Variants in CHTF8 observed in about 807,000 individuals in gnomAD.
The protein encoded by CHTF8 is chromosome transmission fidelity factor 8.
CHTF8 carries 6 observed loss-of-function variants against 11.0 expected under a neutral mutation model. That is an observed-to-expected ratio of 0.55 (90% CI 0.30 to 1.08). The LOEUF is 1.08. Ranked by LOEUF, CHTF8 falls within the 50% of genes least tolerant of loss-of-function variation. The pLI is 0.07. For missense variants in CHTF8, 140 were observed against 153.1 expected (o/e 0.91, Z 0.45); for synonymous variants, 53 against 60.5 (o/e 0.88, Z 0.57).
rs1178140245 is a variant in CHTF8, at chr16:69,120,026, C to G, written c.*399G>C. On this transcript the variant is annotated 3_prime_UTR_variant, in exon 4 of 4. Coordinates refer to ENST00000448552, the MANE Select transcript of CHTF8 (RefSeq NM_001039690.5). The surrounding 1 kb of genome is among the most constrained non-coding windows in gnomAD (Gnocchi z 4.0). ...GACAGAGGCCCTGGGCCTGGCAGAGCCCCTGTCCTAGGGTTTAGGGTGGGG... is the reference window on the plus strand; with the variant it reads ...GACAGAGGCCCTGGGCCTGGCAGAGGCCCTGTCCTAGGGTTTAGGGTGGGG... 1 of 690,064 alleles carries G rather than the reference C, an allele frequency of 1.4e-6. No homozygotes were observed. Among genetic ancestry groups the G allele is most frequent in the Admixed American group, 2.1e-5 (1 of 47,842 alleles). 42.7% of individuals were successfully genotyped at this position (690,064 alleles called of 1,614,324 possible).
rs761089528 is a variant in CHTF8 at position 69,118,381 on chromosome 16, G to A, written c.*2044C>T. Reference sequence around the variant, plus strand: ...CCCCAGGGAAAGGTATGGCAGTAGAGGATGACCAGGTCCAAGCTGCCCAGG... The same window carrying A: ...CCCCAGGGAAAGGTATGGCAGTAGAAGATGACCAGGTCCAAGCTGCCCAGG... On this transcript the variant is annotated 3_prime_UTR_variant, in exon 4 of 4. Transcript: ENST00000448552. 2.5e-6 allele frequency: 4 copies of A among 1,611,950 alleles called. No homozygotes were observed. Among genetic ancestry groups the A allele is most frequent in the Non-Finnish European group, 3.4e-6 (4 of 1,178,022 alleles).
Position 69,118,310 on chromosome 16 carries a change from G to GTCTT in CHTF8, c.*2111_*2114dup, listed in dbSNP as rs1417149006. The GTCTT allele has an allele frequency of 2.5e-6, 3 of 1,205,170 alleles. No homozygotes were observed. The highest frequency in any genetic ancestry group is 2.4e-5 in the South Asian group (2 of 82,674). The allele number at this position is 1,205,170 out of a possible 1,614,324, so 74.7% of individuals were successfully genotyped here. A position where few individuals can be genotyped will look rare whatever the true frequency, so the allele number is the denominator to read the frequency against. On this transcript the variant is annotated 3_prime_UTR_variant, in exon 4 of 4. Transcript: ENST00000448552. ...GTCAAGCAGAAACTGCATTCGGTGG[G>GTCTT]TCTTTCTTTGAAGTGGTTGTCCATC...
intron 1 of CHTF8, 140 bp from the exon 2 acceptor site, chr16:69,121,633 A>C: frequency 3.8e-6 from 2 of 521,518 alleles, no homozygotes; most frequent in African/African-American, 2.0e-5. Flanking sequence ...ACCCACCACT[A>C]TGGCCAGCTA....
chr16:69,126,289 G>A (rs949394305), intron 1 of CHTF8, among the ~76,000 whole-genome samples: 3 of 152,144 alleles, frequency 2.0e-5, no homozygotes, highest in Non-Finnish European at 2.9e-5. Context: ...GAAAAATGCC[G>A]AAATATTTTC....
Position 69,128,740 on chromosome 16 carries a change from TTCTC to T in CHTF8, c.-36+3740_-36+3743del, listed in dbSNP as rs146333544. On this transcript the variant is annotated intron_variant, in intron 1 of 3. Transcript: ENST00000448552. Reference sequence around the variant, plus strand: ...ATACCTTATTTAACCAGCATTTGGCTTCTCTCTCTCTTTTGAAATTAGTAACTAT... The same window carrying T: ...ATACCTTATTTAACCAGCATTTGGCTTCTCTCTTTTGAAATTAGTAACTAT... 2.2e-3 allele frequency among the ~76,000 whole-genome samples: 330 copies of T among 152,234 alleles called. 1 individual carries two copies. The highest frequency in any genetic ancestry group is 7.4e-3 in the African/African-American group (308 of 41,534).
Position 69,118,663 on chromosome 16 carries a change from A to G in CHTF8, c.*1762T>C, listed in dbSNP as rs1361572186. 1.5e-6 allele frequency: 1 copy of G among 687,526 alleles called. No homozygotes were observed. The highest frequency in any genetic ancestry group is 2.7e-6 in the Non-Finnish European group (1 of 377,186). 42.6% of individuals were successfully genotyped at this position (687,526 alleles called of 1,614,324 possible). A position where few individuals can be genotyped will look rare whatever the true frequency, so the allele number is the denominator to read the frequency against. ...GGGCAGGATTATTCCCACCTGCCAC[A>G]GTTCACATGCCACAAATAACATCTC... is the stretch of plus-strand genomic sequence containing the variant. On this transcript the variant is annotated 3_prime_UTR_variant, in exon 4 of 4. Coordinates refer to ENST00000448552, the MANE Select transcript of CHTF8 (RefSeq NM_001039690.5).
rs772772385 is a variant in CHTF8 at position 69,122,426 on chromosome 16, G to A, written c.-35-933C>T. On this transcript the variant is annotated intron_variant, in intron 1 of 3. Coordinates refer to ENST00000448552, the MANE Select transcript of CHTF8 (RefSeq NM_001039690.5). ...TTCACTTTGTCACCAAATCTGGAGCGCAGTGGCGCCATCTCGGCTCACTGC... is the reference window on the plus strand; with the variant it reads ...TTCACTTTGTCACCAAATCTGGAGCACAGTGGCGCCATCTCGGCTCACTGC... 1.0e-3 allele frequency among the ~76,000 whole-genome samples: 152 copies of A among 150,374 alleles called. 1 individual carries two copies. The highest frequency in any genetic ancestry group is 3.5e-3 in the African/African-American group (144 of 40,802).
rs768647432 is a variant in CHTF8 at position 69,121,118 on chromosome 16, T to C, written c.76A>G (p.Ile26Val). 6.2e-6 allele frequency: 10 copies of C among 1,613,706 alleles called. No individual in the cohort carries two copies. The highest frequency in any genetic ancestry group is 8.5e-6 in the Non-Finnish European group (10 of 1,180,002). Reference sequence around the variant, plus strand: ...AATCCAGTGCTGTAGCGAGCCTCGATCTCCCCCTGTAGCTCCATCAGCACC... The same window carrying C: ...AATCCAGTGCTGTAGCGAGCCTCGACCTCCCCCTGTAGCTCCATCAGCACC... ...EWVLMELQGE[I>V]EARYSTGLAG... Residue 26 changes from isoleucine to valine, a missense_variant, in exon 3 of 4, where the codon ATC becomes GTC. Ile to Val is a conservative substitution (Grantham distance 29, BLOSUM62 3). Coordinates refer to ENST00000448552, the MANE Select transcript of CHTF8 (RefSeq NM_001039690.5).
intron 1 of CHTF8, among the ~76,000 whole-genome samples, chr16:69,125,901 A>G (rs1962026830): frequency 6.6e-6 from 1 of 152,236 alleles, no homozygotes; most frequent in Non-Finnish European, 1.5e-5. Context: ...AAGACCAAAT[A>G]TAACATCTGC....
At position 69,123,925 on chromosome 16, in the gene CHTF8, TAAAAAAAAA is replaced by T. The variant is rs757493986; in HGVS notation, c.-35-2441_-35-2433del. ...CAACATGATGAAACCCCATCTCTACTAAAAAAAAAAAAAAAAAAAAAACAAAAAATTAGC... is the reference window on the plus strand; with the variant it reads ...CAACATGATGAAACCCCATCTCTACTAAAAAAAAAAAAACAAAAAATTAGC... On this transcript the variant is annotated intron_variant, in intron 1 of 3. Transcript: ENST00000448552. Among the ~76,000 whole-genome samples, 25 of 76,976 alleles carry T rather than the reference TAAAAAAAAA, an allele frequency of 3.2e-4. No homozygotes were observed. The South Asian group carries it at 0.011, about 34-fold the overall frequency. The allele number at this position is 76,976 out of a possible 152,430, so 50.5% of individuals were successfully genotyped here.
At chr16:69,128,938 C>T (rs1364774975) in intron 1 of CHTF8, among the ~76,000 whole-genome samples, 3 of 152,214 alleles carry the variant, frequency 2.0e-5, no homozygotes, top group African/African-American at 7.2e-5. Flanking sequence ...GTGGCGCTCA[C>T]CTGTAATCCC....
At chr16:69,122,802 A>G (rs1217139130) in intron 1 of CHTF8, among the ~76,000 whole-genome samples, 1 of 152,036 alleles carries the variant, frequency 6.6e-6, no homozygotes, top group African/African-American at 2.4e-5. Context: ...TTGGCCTCCC[A>G]AAGTGCTGGG....
intron 1 of CHTF8, among the ~76,000 whole-genome samples, chr16:69,121,826 G>C (rs149421780): frequency 0.013 from 1,910 of 152,094 alleles, 39 homozygotes; most frequent in African/African-American, 0.043. Context: ...CGCCACCACG[G>C]CCGGCTAATT....
In CHTF8 at chr16:69,118,749, A is replaced by G. The variant is rs1380796331; in HGVS notation, c.*1676T>C. 17 of 639,440 alleles carry G rather than the reference A, an allele frequency of 2.7e-5. No homozygotes were observed. The East Asian group carries it at 4.6e-4, about 17-fold the overall frequency. The allele number at this position is 639,440 out of a possible 1,614,324, so 39.6% of individuals were successfully genotyped here. Reference sequence around the variant, plus strand: ...GCTCATTTGAACTTGAGCCCAAGCTATGTTCTTCAGACTGTAGCTCCACAA... The same window carrying G: ...GCTCATTTGAACTTGAGCCCAAGCTGTGTTCTTCAGACTGTAGCTCCACAA... On this transcript the variant is annotated 3_prime_UTR_variant, in exon 4 of 4. Coordinates refer to ENST00000448552, the MANE Select transcript of CHTF8 (RefSeq NM_001039690.5).
Position 69,119,346 on chromosome 16 carries a change from G to C in CHTF8, c.*1079C>G, listed in dbSNP as rs1218910287. 7 of 702,960 alleles carry C rather than the reference G, an allele frequency of 1.0e-5. No individual in the cohort carries two copies. Among genetic ancestry groups the C allele is most frequent in the Non-Finnish European group, 1.6e-5 (6 of 385,030 alleles). The allele number at this position is 702,960 out of a possible 1,614,324, so 43.5% of individuals were successfully genotyped here. A position where few individuals can be genotyped will look rare whatever the true frequency, so the allele number is the denominator to read the frequency against. ...CAGATGAACCTGCTCCCCTGGGAAA[G>C]GGATTGGCATTTACCCCCATGGGGC... On this transcript the variant is annotated 3_prime_UTR_variant, in exon 4 of 4. Coordinates refer to ENST00000448552, the MANE Select transcript of CHTF8 (RefSeq NM_001039690.5).
intron 1 of CHTF8, among the ~76,000 whole-genome samples, chr16:69,123,454 C>T (rs989300405): frequency 6.6e-6 from 1 of 151,812 alleles, no homozygotes; most frequent in Admixed American, 6.6e-5. Context: ...GTCAGGAGTT[C>T]GAGACCACCC....
intron 1 of CHTF8, 41 bp from the exon 2 acceptor site, chr16:69,121,534 CAACT>C: frequency 7.8e-7 from 1 of 1,287,344 alleles, no homozygotes; most frequent in Non-Finnish European, 1.1e-6. Context: ...ATAACAACAA[CAACT>C]AATAATGACA....
At chr16:69,122,970 C>A (rs1961793358) in intron 1 of CHTF8, among the ~76,000 whole-genome samples, 1 of 152,136 alleles carries the variant, frequency 6.6e-6, no homozygotes, top group Admixed American at 6.5e-5. Context: ...TTAGCCACCA[C>A]ACCCGGCCTT....
chr16:69,132,551 T>TCGCCGC lies in CHTF8; in HGVS notation c.-109_-104dup, dbSNP rs940680793. The TCGCCGC allele has an allele frequency of 5.5e-6, 2 of 364,434 alleles. No individual in the cohort carries two copies. Among genetic ancestry groups the TCGCCGC allele is most frequent in the Non-Finnish European group, 1.1e-5 (2 of 185,646 alleles). The allele number at this position is 364,434 out of a possible 1,614,324, so 22.6% of individuals were successfully genotyped here. A position where few individuals can be genotyped will look rare whatever the true frequency, so the allele number is the denominator to read the frequency against. Reference sequence around the variant, plus strand: ...GCGACAACCGAACCTCCCGCCGCCGTCGCCGCCGCCGCGAGCACTGCCTGC... The same window carrying TCGCCGC: ...GCGACAACCGAACCTCCCGCCGCCGTCGCCGCCGCCGCCGCCGCGAGCACTGCCTGC... On this transcript the variant is annotated 5_prime_UTR_variant, in exon 1 of 4. Coordinates refer to ENST00000448552, the MANE Select transcript of CHTF8 (RefSeq NM_001039690.5).
Sources: gnomAD v4.1 joint callset for allele counts (sites outside exome capture counted in the v4.1 genomes callset) on GRCh38, gnomAD v4.1.1 for gene constraint, Gnocchi (gnomAD v3.1) non-coding constraint, MANE v1.5 for transcripts, NCBI Gene and HGNC (gene_info 2026-07-23, HGNC 2026-07-21) for gene names.